The following NHS variants were observed in gnomAD, a reference collection of about 807,000 sequenced individuals.
The protein encoded by NHS is NHS actin remodeling regulator.
In NHS, 5 loss-of-function variants were observed where a neutral mutation model predicts 72.5. That is an observed-to-expected ratio of 0.07 (90% CI 0.04 to 0.14). The LOEUF (loss-of-function observed/expected upper bound fraction) is 0.14, where lower values mean the gene tolerates loss of function less well. Among genes scored for constraint, NHS ranks in the 10% least tolerant of loss-of-function variants. The probability of loss-of-function intolerance (pLI) is 1.00; values close to 1 mark genes in which losing one functional copy is unlikely to be tolerated. For missense variants in NHS, 1,072 were observed against 1,355.7 expected, an observed-to-expected ratio of 0.79 and a Z score of 3.29; for synonymous variants, 464 against 547.7, an observed-to-expected ratio of 0.85 and a Z score of 2.13.
At position 17,452,498 on chromosome X, in the gene NHS, T is replaced by TTTTTTG. The variant is rs201488207; in HGVS notation, c.565+76200_565+76205dup. On this transcript the variant is annotated intron_variant, in intron 1 of 8. Transcript: ENST00000676302. Reference sequence around the variant, plus strand: ...GGCTCAGTATCTTTCTGTGTTTTTTTTTTTTGTTTTTGTTTTTGTTTTTGT... The same window carrying TTTTTTG: ...GGCTCAGTATCTTTCTGTGTTTTTTTTTTTTGTTTTTGTTTTTGTTTTTGTTTTTGT... Among the ~76,000 whole-genome samples, 410 of 109,140 alleles carry TTTTTTG rather than the reference T, an allele frequency of 3.8e-3. 3 individuals are homozygous for TTTTTTG. The highest frequency in any genetic ancestry group is 6.7e-3 in the Non-Finnish European group (352 of 52,538). The allele number at this position is 109,140 out of a possible 115,157, so 94.8% of individuals were successfully genotyped here. A position where few individuals can be genotyped will look rare whatever the true frequency, so the allele number is the denominator to read the frequency against.
At chrX:17,459,904 G>A (rs1236772081) in intron 1 of NHS, among the ~76,000 whole-genome samples, 7 of 112,098 alleles carry the variant, frequency 6.2e-5, no homozygotes, top group Non-Finnish European at 1.1e-4. Flanking sequence ...AATATAGCTT[G>A]GCATCATGAG....
At chrX:17,694,399 G>A (rs2066215274) in intron 3 of NHS, among the ~76,000 whole-genome samples, 1 of 112,501 alleles carries the variant, frequency 8.9e-6, no homozygotes, top group Non-Finnish European at 1.9e-5. Flanking sequence ...TGCAGGTATA[G>A]AGACAGGAAA....
chrX:17,710,490 T>A (rs1182743936), intron 3 of NHS, among the ~76,000 whole-genome samples: 1 of 112,551 alleles, frequency 8.9e-6, no homozygotes, highest in African/African-American at 3.2e-5. Context: ...ACAACTTGGA[T>A]GGATTGCAAA....
intron 1 of NHS, among the ~76,000 whole-genome samples, chrX:17,617,757 A>C (rs150273372): frequency 0.01 from 1,173 of 112,339 alleles, 18 homozygotes; most frequent in African/African-American, 0.036. Context: ...CTAAGGGGAA[A>C]CTGAAATGAC....
rs779225153 is a variant in NHS at position 17,463,372 on chromosome X, G to T, written c.565+87050G>T. On this transcript the variant is annotated intron_variant, in intron 1 of 8. Coordinates refer to ENST00000676302, the MANE Select transcript of NHS (RefSeq NM_001291867.2). The stretch of plus-strand genomic sequence containing the variant: ...TCTTGCTACTTGGTATAATGGTGGG[G>T]TTTTTTTTTTTCCCCCGGAGGAAGA... Among the ~76,000 whole-genome samples the T allele has an allele frequency of 4.7e-4, 49 of 105,058 alleles. 1 individual carries two copies. The East Asian group carries it at 6.8e-3, about 15-fold the overall frequency. The allele number at this position is 105,058 out of a possible 115,157, so 91.2% of individuals were successfully genotyped here.
intron 1 of NHS, chrX:17,635,684 AC>A (rs1362299059): frequency 1.1e-6 from 1 of 934,467 alleles, no homozygotes; most frequent in Admixed American, 2.9e-5. Flanking sequence ...TGCTGTAGCC[AC>A]TTCCTATTCT....
At chrX:17,472,720 G>A (rs746875167) in intron 1 of NHS, among the ~76,000 whole-genome samples, 3 of 112,027 alleles carry the variant, frequency 2.7e-5, no homozygotes, top group Non-Finnish European at 5.6e-5. Context: ...ATAGACTCAG[G>A]TTAGGGTGCT....
chrX:17,720,191 G>A (rs1317889718), intron 4 of NHS, among the ~76,000 whole-genome samples: 1 of 111,436 alleles, frequency 9.0e-6, no homozygotes, highest in Non-Finnish European at 1.9e-5. Flanking sequence ...CCTGTTGGGT[G>A]TGTTGGGGGG....
chrX:17,627,326 C>T (rs2065802481), intron 1 of NHS, among the ~76,000 whole-genome samples: 1 of 112,239 alleles, frequency 8.9e-6, no homozygotes, highest in African/African-American at 3.2e-5. Flanking sequence ...AAATGACATG[C>T]CAAGACTGAA....
intron 1 of NHS, among the ~76,000 whole-genome samples, chrX:17,438,744 TA>T (rs2064736499): frequency 8.9e-6 from 1 of 111,773 alleles, no homozygotes; most frequent in African/African-American, 3.3e-5. Context: ...CAGCAAGAAA[TA>T]GTTCTCCAAC....
At chrX:17,667,442 G>A (rs2066019306) in intron 1 of NHS, among the ~76,000 whole-genome samples, 1 of 111,224 alleles carries the variant, frequency 9.0e-6, no homozygotes, top group Admixed American at 9.5e-5. Flanking sequence ...ACTCCACATC[G>A]TCTGTGATCT....
At chrX:17,408,585 A>G (rs771571644) in intron 1 of NHS, among the ~76,000 whole-genome samples, 1 of 111,511 alleles carries the variant, frequency 9.0e-6, no homozygotes, top group Non-Finnish European at 1.9e-5. Context: ...CCGTCTGTCA[A>G]GGATTGTTCA....
Position 17,376,174 on chromosome X carries a change from C to T in NHS, c.417C>T (p.Leu139=). The T allele has an allele frequency of 8.4e-7, 1 of 1,191,725 alleles. No individual in the cohort carries two copies. The highest frequency in any genetic ancestry group is 1.1e-6 in the Non-Finnish European group (1 of 891,433). Residue 139 remains leucine, a synonymous_variant, in exon 1 of 9, where the codon CTC becomes CTT. Coordinates refer to ENST00000676302, the MANE Select transcript of NHS (RefSeq NM_001291867.2). ...NAALARVLRQ[L]SDVARHACSL... is the part of the protein sequence containing the mutation. ...CTCTGGCCCGTGTCCTCCGGCAGCTCTCGGACGTGGCCCGGCACGCTTGCA... is the reference window on the plus strand; with the variant it reads ...CTCTGGCCCGTGTCCTCCGGCAGCTTTCGGACGTGGCCCGGCACGCTTGCA...
At chrX:17,679,969 G>C (rs938696008) in intron 1 of NHS, among the ~76,000 whole-genome samples, 5 of 111,535 alleles carry the variant, frequency 4.5e-5, no homozygotes, top group African/African-American at 1.6e-4. Flanking sequence ...AGTTGTTACT[G>C]GTAAATGGGC....
At chrX:17,610,357 G>A (rs746816784) in intron 1 of NHS, among the ~76,000 whole-genome samples, 4 of 112,123 alleles carry the variant, frequency 3.6e-5, no homozygotes, top group Non-Finnish European at 7.5e-5. Context: ...TCACATGAGT[G>A]GTATAATCAG....
rs56271300 is a variant in NHS at position 17,673,177 on chromosome X, AACACACACACACACACACAC to A, written c.566-14523_566-14504del. 3.7e-3 allele frequency among the ~76,000 whole-genome samples: 240 copies of A among 65,520 alleles called. 3 individuals are homozygous for A. Among genetic ancestry groups the A allele is most frequent in the Admixed American group, 0.013 (72 of 5,563 alleles). The allele number at this position is 65,520 out of a possible 115,157, so 56.9% of individuals were successfully genotyped here. A position where few individuals can be genotyped will look rare whatever the true frequency, so the allele number is the denominator to read the frequency against. On this transcript the variant is annotated intron_variant, in intron 1 of 8. Coordinates refer to ENST00000676302, the MANE Select transcript of NHS (RefSeq NM_001291867.2). ...AGACCATTGCTTAGCTGGAAGATGAAACACACACACACACACACACACACACACACACACACACACACACA... is the reference window on the plus strand; with the variant it reads ...AGACCATTGCTTAGCTGGAAGATGAAACACACACACACACACACACACACA...
intron 3 of NHS, among the ~76,000 whole-genome samples, chrX:17,719,101 GGGAA>G (rs1385169813): frequency 6.1e-5 from 6 of 98,461 alleles, no homozygotes; most frequent in South Asian, 5.2e-4. Context: ...AAAGGAAAGA[GGGAA>G]GGAAGGAAAG....
At chrX:17,532,695 G>A (rs2065204302) in intron 1 of NHS, among the ~76,000 whole-genome samples, 1 of 111,638 alleles carries the variant, frequency 9.0e-6, no homozygotes, top group Admixed American at 9.5e-5. Flanking sequence ...GCAGGGGCTA[G>A]GGCTGGGGTT....
At chrX:17,432,833 CT>C (rs2064700079) in intron 1 of NHS, among the ~76,000 whole-genome samples, 1 of 110,615 alleles carries the variant, frequency 9.0e-6, no homozygotes, top group Non-Finnish European at 1.9e-5. Context: ...ATGTTGCCTT[CT>C]TTTTTGTTTT....
Sources: allele counts gnomAD v4.1 joint callset (sites outside exome capture counted in the v4.1 genomes callset), GRCh38; gene constraint gnomAD v4.1.1; transcripts MANE v1.5; gene names NCBI Gene and HGNC (gene_info 2026-07-23, HGNC 2026-07-21).